The following SRRM4 variants were observed in gnomAD, a reference collection of about 807,000 sequenced individuals.
The protein encoded by SRRM4 is serine/arginine repetitive matrix protein 4.
SRRM4 carries 33 observed loss-of-function variants against 68.9 expected under a neutral mutation model. That is an observed-to-expected ratio of 0.48 (90% CI 0.36 to 0.64). The LOEUF is 0.64. Among genes scored for constraint, SRRM4 ranks in the 30% least tolerant of loss-of-function variants. SRRM4 has a pLI of 0.00. For synonymous variants in SRRM4, 318 were observed against 318.8 expected, an observed-to-expected ratio of 1.00 and a Z score of 0.03; for missense variants, 817 against 827.1, an observed-to-expected ratio of 0.99 and a Z score of 0.15.
Position 119,119,538 on chromosome 12 carries a change from ATG to A in SRRM4, c.438-711_438-710del, listed in dbSNP as rs1437475273. Among the ~76,000 whole-genome samples, 4 of 151,942 alleles carry A rather than the reference ATG, an allele frequency of 2.6e-5. No homozygotes were observed. In the East Asian group the frequency reaches 7.9e-4, roughly 30 times the overall value. ...CGGCCTCCAACTGGAGCACTGAAGA[ATG>A]AGAAGAAGCTACATGGGTGATGCTG... On this transcript the variant is annotated intron_variant, in intron 4 of 12. Coordinates refer to ENST00000267260, the MANE Select transcript of SRRM4 (RefSeq NM_194286.4).
chr12:119,039,294 A>G (rs963170278), intron 1 of SRRM4, among the ~76,000 whole-genome samples: 2 of 152,148 alleles, frequency 1.3e-5, no homozygotes, highest in South Asian at 2.1e-4. Context: ...GTGACAGCCT[A>G]TGTAAATGGC....
chr12:118,996,176 A>G (rs894981931), intron 1 of SRRM4, among the ~76,000 whole-genome samples: 1 of 152,014 alleles, frequency 6.6e-6, no homozygotes, highest in Admixed American at 6.6e-5. Context: ...TTTTTTCAAG[A>G]CCACACAGGA....
chr12:119,116,106 A>C (rs1954178241), intron 3 of SRRM4, among the ~76,000 whole-genome samples: 2 of 152,090 alleles, frequency 1.3e-5, no homozygotes, highest in Non-Finnish European at 2.9e-5. Flanking sequence ...TGCTTCATCC[A>C]TTCATGTTAC....
intron 1 of SRRM4, among the ~76,000 whole-genome samples, chr12:119,051,720 T>A (rs2136017218): frequency 6.6e-6 from 1 of 152,324 alleles, no homozygotes; most frequent in Middle Eastern, 3.4e-3. Context: ...AAGTCTGGTT[T>A]TTTTTGTTTA....
At chr12:119,145,321 T>C (rs1209915072) in intron 8 of SRRM4, 60 bp from the exon 9 acceptor site, 2 of 1,419,170 alleles carry the variant, frequency 1.4e-6, no homozygotes, top group African/African-American at 1.4e-5. Flanking sequence ...TTCTTGGTTA[T>C]TTAGAAACAG....
chr12:119,151,124 A>G lies in SRRM4; in HGVS notation c.1184A>G (p.Tyr395Cys), dbSNP rs1167420391. Residue 395 changes from tyrosine to cysteine, a missense_variant, in exon 10 of 13, where the codon TAT becomes TGT. Transcript: ENST00000267260. ...AAAGGGTGTTCCCGCAGCTCCTCCT[A>G]TGCCAGCACCCGATCCTCCAGTCAC... ...PMKGCSRSSS[Y>C]ASTRSSSHSS... 18 of 1,613,812 alleles carry G rather than the reference A, an allele frequency of 1.1e-5. No individual in the cohort carries two copies. The highest frequency in any genetic ancestry group is 1.6e-4 in the Middle Eastern group (1 of 6,084).
chr12:119,044,093 C>G (rs992889767), intron 1 of SRRM4, among the ~76,000 whole-genome samples: 1 of 152,206 alleles, frequency 6.6e-6, no homozygotes, highest in Admixed American at 6.5e-5. Context: ...TCTCGAACTC[C>G]TGACCTCAGG....
At chr12:118,999,926 A>G (rs918299330) in intron 1 of SRRM4, among the ~76,000 whole-genome samples, 112 of 152,350 alleles carry the variant, frequency 7.4e-4, no homozygotes, top group African/African-American at 2.7e-3. Context: ...CTAGGCACTA[A>G]GTAGAAGAAG....
intron 1 of SRRM4, among the ~76,000 whole-genome samples, chr12:119,056,018 C>T (rs1306346942): frequency 6.6e-6 from 1 of 152,192 alleles, no homozygotes; most frequent in East Asian, 1.9e-4. Flanking sequence ...GTCTCTGGGC[C>T]CCTCCAGTCT....
At chr12:119,130,337 T>A (rs539136948) in intron 7 of SRRM4, among the ~76,000 whole-genome samples, 1 of 151,522 alleles carries the variant, frequency 6.6e-6, no homozygotes, top group African/African-American at 2.4e-5. Flanking sequence ...GATGGATACA[T>A]GATTGGTTGG....
chr12:118,982,156 T>G, intron 1 of SRRM4, 143 bp downstream of exon 1: 2 of 1,061,648 alleles, frequency 1.9e-6, no homozygotes, highest in Non-Finnish European at 2.7e-6. Flanking sequence ...CGCTGAAACA[T>G]GGGAACTCAT....
rs896980276 is a variant in SRRM4, at chr12:119,082,776, G to T, written c.132-19460G>T. ...CCCTCCAGTGTAGCCTGAAGCACAA[G>T]ATGTCAGAAAAGCAGGGCTCTGCTT... On this transcript the variant is annotated intron_variant, in intron 1 of 12. Coordinates refer to ENST00000267260, the MANE Select transcript of SRRM4 (RefSeq NM_194286.4). 2.6e-5 allele frequency among the ~76,000 whole-genome samples: 4 copies of T among 152,214 alleles called. No individual in the cohort carries two copies. In the South Asian group the frequency reaches 8.3e-4, roughly 32 times the overall value.
chr12:119,079,857 T>C (rs1456308347), intron 1 of SRRM4, among the ~76,000 whole-genome samples: 1 of 149,860 alleles, frequency 6.7e-6, no homozygotes, highest in Non-Finnish European at 1.5e-5. Context: ...ATTTCAGATA[T>C]ACAAGGCCGT....
chr12:118,996,151 A>G (rs1218765215), intron 1 of SRRM4, among the ~76,000 whole-genome samples: 2 of 152,098 alleles, frequency 1.3e-5, no homozygotes, highest in African/African-American at 2.4e-5. Context: ...GGAACTAACT[A>G]CCAGCTCAAA....
At chr12:119,096,461 A>G (rs1040895745) in intron 1 of SRRM4, among the ~76,000 whole-genome samples, 1 of 152,172 alleles carries the variant, frequency 6.6e-6, no homozygotes, top group African/African-American at 2.4e-5. Flanking sequence ...GAAAACTTCA[A>G]TGAGAAGATG....
At chr12:119,087,797 C>T (rs1455190232) in intron 1 of SRRM4, among the ~76,000 whole-genome samples, 1 of 151,930 alleles carries the variant, frequency 6.6e-6, no homozygotes, top group Non-Finnish European at 1.5e-5. Context: ...GGAGTGGGGC[C>T]CATGCTCAGT....
At chr12:119,059,897 G>T (rs903281487) in intron 1 of SRRM4, among the ~76,000 whole-genome samples, 3 of 152,190 alleles carry the variant, frequency 2.0e-5, no homozygotes, top group African/African-American at 4.8e-5. Context: ...AAAGGAGAGA[G>T]GGTGCAGAGT....
At chr12:119,091,443 C>A (rs1954013904) in intron 1 of SRRM4, among the ~76,000 whole-genome samples, 1 of 152,112 alleles carries the variant, frequency 6.6e-6, no homozygotes, top group African/African-American at 2.4e-5. Flanking sequence ...GGATCCCTTG[C>A]CTTGGCTGTT....
At position 119,051,075 on chromosome 12, in the gene SRRM4, T is replaced by C. The variant is rs147560219; in HGVS notation, c.132-51161T>C. ...AGAATTTGGTAGTGGTTGGAGGTGT[T>C]TTTGGTTGTCACAACTGAGGGATTG... On this transcript the variant is annotated intron_variant, in intron 1 of 12. Transcript: ENST00000267260. Among the ~76,000 whole-genome samples the C allele has an allele frequency of 3.5e-3, 527 of 152,200 alleles. 3 individuals are homozygous for C. Among genetic ancestry groups the C allele is most frequent in the African/African-American group, 0.012 (503 of 41,528 alleles).
Sources: gnomAD v4.1 joint callset for allele counts (sites outside exome capture counted in the v4.1 genomes callset) on GRCh38, gnomAD v4.1.1 for gene constraint, MANE v1.5 for transcripts, NCBI Gene and HGNC (gene_info 2026-07-23, HGNC 2026-07-21) for gene names.